U2AF1L4: variants seen among roughly 807,000 people sequenced by gnomAD.
The protein encoded by U2AF1L4 is splicing factor U2AF 26 kDa subunit.
In U2AF1L4, 21 loss-of-function variants were observed where a neutral mutation model predicts 21.7. That is an observed-to-expected ratio of 0.97 (90% CI 0.69 to 1.39). The LOEUF (loss-of-function observed/expected upper bound fraction) is 1.39. Ranked by LOEUF, U2AF1L4 falls within the 40% of genes most tolerant of loss-of-function variation. U2AF1L4 has a pLI of 0.00. For synonymous variants in U2AF1L4, 92 were observed against 89.7 expected (o/e 1.03, Z -0.15); for missense variants, 259 against 245.7 (o/e 1.05, Z -0.36).
At chr19:35,745,062 A>C in intron 2 of U2AF1L4, 63 bp downstream of exon 2, 1 of 1,504,482 alleles carries the variant, frequency 6.6e-7, no homozygotes, top group Admixed American at 1.7e-5. Flanking sequence ...CATGGTGACG[A>C]CGGCCCCAGA....
downstream of U2AF1L4, chr19:35,742,481 T>C (rs1970300979): frequency 1.3e-6 from 2 of 1,561,840 alleles, no homozygotes; most frequent in South Asian, 2.3e-5. Context: ...CCCCTTTTCG[T>C]CACATGTGTG....
intron 2 of U2AF1L4, chr19:35,744,670 T>C (rs1454612982): frequency 2.6e-6 from 4 of 1,535,990 alleles, no homozygotes; most frequent in Non-Finnish European, 3.5e-6. Flanking sequence ...TGGATTCCGG[T>C]ACAGGTTGAG....
intron 5 of U2AF1L4, 101 bp downstream of exon 5, chr19:35,743,708 A>AAT: frequency 1.1e-6 from 1 of 883,650 alleles, no homozygotes; most frequent in Non-Finnish European, 1.7e-6. Context: ...AAAAAAAAAA[A>AAT]GATTCTTGGG....
chr19:35,743,388 A>G, intron 5 of U2AF1L4: 1 of 227,736 alleles, frequency 4.4e-6, no homozygotes, highest in Non-Finnish European at 8.8e-6. Context: ...AAAAAAAAAA[A>G]AAAAAAAAAA....
At chr19:35,743,120 C>A (rs1970347049) in intron 5 of U2AF1L4, 1 of 397,656 alleles carries the variant, frequency 2.5e-6, no homozygotes, top group Non-Finnish European at 4.5e-6. Flanking sequence ...CGCCTGTAAT[C>A]CCCACACTTT....
intron 1 of U2AF1L4, 45 bp downstream of exon 1, chr19:35,745,303 C>A: frequency 6.3e-7 from 1 of 1,598,954 alleles, no homozygotes. Context: ...CCCCAGTACC[C>A]CGGCCCCGAC....
chr19:35,744,432 C>T lies in U2AF1L4; in HGVS notation c.133-11G>A, dbSNP rs768773271. 2.5e-6 allele frequency: 4 copies of T among 1,614,046 alleles called. No homozygotes were observed. Among genetic ancestry groups the T allele is most frequent in the Non-Finnish European group, 3.4e-6 (4 of 1,179,932 alleles). ...TTCTGTGAACACCTCCTGTGGAAGACGGGGAGGAACTCAGCTGAGCTCCCA... is the reference window on the plus strand; with the variant it reads ...TTCTGTGAACACCTCCTGTGGAAGATGGGGAGGAACTCAGCTGAGCTCCCA... On this transcript the variant is annotated splice_polypyrimidine_tract_variant and intron_variant, in intron 2 of 5. Transcript: ENST00000378975.
chr19:35,742,572 A>G lies in U2AF1L4; in HGVS notation c.*147T>C, dbSNP rs376924671. On this transcript the variant is annotated 3_prime_UTR_variant, in exon 6 of 6. Transcript: ENST00000378975. Reference sequence around the variant, plus strand: ...GCAGCTTTATTAAGACAGGGGCGGTAGAAGAAGGTCTCCATGCTGAACAGA... The same window carrying G: ...GCAGCTTTATTAAGACAGGGGCGGTGGAAGAAGGTCTCCATGCTGAACAGA... The G allele has an allele frequency of 1.3e-3, 2,076 of 1,613,802 alleles. 5 individuals are homozygous for G. The highest frequency in any genetic ancestry group is 1.7e-3 in the Non-Finnish European group (1,960 of 1,179,956).
intron 5 of U2AF1L4, chr19:35,743,269 A>G (rs141811458): frequency 0.014 from 3,814 of 265,296 alleles, 45 homozygotes; most frequent in Middle Eastern, 0.045. Flanking sequence ...GCTACTTGGG[A>G]GGCTGAGAAA....
At chr19:35,743,764 G>A (rs756133904) in intron 5 of U2AF1L4, 45 bp downstream of exon 5, 1 of 1,521,658 alleles carries the variant, frequency 6.6e-7, no homozygotes, top group Non-Finnish European at 9.0e-7. Flanking sequence ...GAGGATATAG[G>A]GGCCTTAGGA....
At chr19:35,743,754 G>T in intron 5 of U2AF1L4, 55 bp downstream of exon 5, 2 of 1,392,480 alleles carry the variant, frequency 1.4e-6, no homozygotes, top group South Asian at 1.2e-5. Context: ...AGGCTCATCT[G>T]AGGATATAGG....
Position 35,743,888 on chromosome 19 carries a change from C to T in U2AF1L4, c.382G>A (p.Gly128Ser), listed in dbSNP as rs1568396859. Reference protein sequence around the residue: ...QYEMGECTRGGFCNFMHLRPI... With the variant: ...QYEMGECTRGSFCNFMHLRPI... ...CGCAGATGCATGAAGTTGCAGAAGC[C>T]ACCTCGGGTACATTCCCTGCATAGA... Residue 128 changes from glycine (G) to serine (S), a missense_variant, in exon 5 of 6, where the codon GGC (glycine) becomes AGC (serine). Gly to Ser is a moderately conservative substitution (Grantham distance 56, BLOSUM62 0). Transcript: ENST00000378975. 1.6e-5 allele frequency: 26 copies of T among 1,613,592 alleles called. No individual in the cohort carries two copies. Among genetic ancestry groups the T allele is most frequent in the Non-Finnish European group, 2.2e-5 (26 of 1,179,850 alleles).
chr19:35,744,506 A>C, intron 2 of U2AF1L4, 85 bp from the exon 3 acceptor site: 1 of 1,608,360 alleles, frequency 6.2e-7, no homozygotes, highest in Non-Finnish European at 8.5e-7. Flanking sequence ...AGAAGCTATC[A>C]TAGTGCTCCT....
rs535680136 is a variant in U2AF1L4, at chr19:35,744,702, AT to A, written c.133-282del. The stretch of plus-strand genomic sequence containing the variant: ...TGAGCAGCACTATGGTCTGCACAGA[AT>A]TTAAAAGGGGCGGGGCCTGAGCTCA... On this transcript the variant is annotated intron_variant, in intron 2 of 5. Coordinates refer to ENST00000378975, the MANE Select transcript of U2AF1L4 (RefSeq NM_001040425.3). 5.7e-4 allele frequency: 882 copies of A among 1,536,078 alleles called. 4 individuals are homozygous for A. The African/African-American group carries it at 8.1e-3, about 14-fold the overall frequency.
intron 5 of U2AF1L4, 76 bp downstream of exon 5, chr19:35,743,733 G>T: frequency 2.4e-6 from 3 of 1,259,344 alleles, no homozygotes; most frequent in Non-Finnish European, 3.4e-6. Context: ...TGGTTACTGG[G>T]GCTTAGGGTT....
intron 3 of U2AF1L4, 46 bp downstream of exon 3, chr19:35,744,277 T>C (rs1016397445): frequency 3.1e-6 from 5 of 1,611,828 alleles, no homozygotes; most frequent in Non-Finnish European, 3.4e-6. Context: ...CCATCAGGCA[T>C]TGAAACGCCT....
At chr19:35,744,174 G>T (rs752768915) in intron 3 of U2AF1L4, 29 bp from the exon 4 acceptor site, 5 of 1,611,426 alleles carry the variant, frequency 3.1e-6, no homozygotes, top group Non-Finnish European at 8.5e-7. Flanking sequence ...AGGGTCAGCA[G>T]GAGAACTCAG....
chr19:35,745,047 C>T, intron 2 of U2AF1L4, 78 bp downstream of exon 2: 2 of 1,423,088 alleles, frequency 1.4e-6, no homozygotes, highest in South Asian at 1.2e-5. Context: ...CCGGAATAGG[C>T]GGGACATGGT....
intron 4 of U2AF1L4, 46 bp from the exon 5 acceptor site, chr19:35,743,950 C>A: frequency 6.2e-7 from 1 of 1,609,084 alleles, no homozygotes; most frequent in Non-Finnish European, 8.5e-7. Flanking sequence ...TCACTGACAG[C>A]CCCTACCACG....
Sources: allele counts gnomAD v4.1 joint callset, GRCh38; gene constraint gnomAD v4.1.1; transcripts MANE v1.5; gene names NCBI Gene and HGNC (gene_info 2026-07-23, HGNC 2026-07-21).